Variants in RASAL2 observed in about 807,000 individuals in gnomAD.
RASAL2 encodes RAS protein activator like 2.
A neutral mutation model predicts 128.9 loss-of-function variants in RASAL2; 58 were observed. The ratio of observed to expected loss-of-function variants is 0.45; its 90% CI spans 0.36 to 0.56. The LOEUF is 0.56. Ranked by LOEUF, RASAL2 falls within the 20% of genes least tolerant of loss-of-function variation. The probability of loss-of-function intolerance (pLI) is 0.00; values close to 1 mark genes in which losing one functional copy is unlikely to be tolerated. For synonymous variants in RASAL2, 561 were observed against 580.8 expected (o/e 0.97, Z 0.49); for missense variants, 1,360 against 1,601.6 (o/e 0.85, Z 2.57).
chr1:178,451,419 A>C, intron 9 of RASAL2, 152 bp from the exon 10 acceptor site: 1 of 718,738 alleles, frequency 1.4e-6, no homozygotes, highest in East Asian at 2.7e-5. Flanking sequence ...TTCCAAAGCA[A>C]TGAGGCTTCA....
At chr1:178,341,420 G>A (rs1209491864) in intron 3 of RASAL2, 3 of 1,432,620 alleles carry the variant, frequency 2.1e-6, no homozygotes, top group Non-Finnish European at 2.7e-6. Flanking sequence ...CGAGGATTGA[G>A]TTTAACTGGC....
intron 3 of RASAL2, among the ~76,000 whole-genome samples, chr1:178,361,461 C>T (rs564230639): frequency 6.6e-6 from 1 of 152,140 alleles, no homozygotes; most frequent in African/African-American, 2.4e-5. Flanking sequence ...TGTATACATT[C>T]TCCATAGCTA....
intron 4 of RASAL2, among the ~76,000 whole-genome samples, chr1:178,392,247 G>A (rs1434962711): frequency 3.9e-5 from 6 of 152,194 alleles, no homozygotes; most frequent in African/African-American, 7.2e-5. Context: ...GTAAGTTAAG[G>A]CTTTGACAAG....
intron 4 of RASAL2, among the ~76,000 whole-genome samples, chr1:178,404,934 G>A (rs977365870): frequency 3.3e-5 from 5 of 152,060 alleles, no homozygotes; most frequent in African/African-American, 1.2e-4. Context: ...CTCCTGCCTC[G>A]GCCTCTCGAA....
chr1:178,105,268 G>A (rs1231310795), intron 1 of RASAL2, among the ~76,000 whole-genome samples: 1 of 152,016 alleles, frequency 6.6e-6, no homozygotes, highest in African/African-American at 2.4e-5. Context: ...GGCAGGAATA[G>A]GAATAAGACT....
In RASAL2 at chr1:178,478,801, C is replaced by A. The variant is rs971596772; in HGVS notation, c.*5562C>A. The A allele has an allele frequency of 5.9e-5, 9 of 152,100 alleles. No homozygotes were observed. Among genetic ancestry groups the A allele is most frequent in the African/African-American group, 1.9e-4 (8 of 41,414 alleles). The allele number at this position is 152,100 out of a possible 1,614,324, so 9.4% of individuals were successfully genotyped here. A position where few individuals can be genotyped will look rare whatever the true frequency, so the allele number is the denominator to read the frequency against. ...GTACAGATATAGATACGTTTGAGGTCTTTTATTGATATTCCTACAAAGAAT... is the reference window on the plus strand; with the variant it reads ...GTACAGATATAGATACGTTTGAGGTATTTTATTGATATTCCTACAAAGAAT... On this transcript the variant is annotated 3_prime_UTR_variant, in exon 18 of 18. Coordinates refer to ENST00000367649, the MANE Select transcript of RASAL2 (RefSeq NM_170692.4).
chr1:178,260,350 C>CAAA (rs1243797175), intron 1 of RASAL2, among the ~76,000 whole-genome samples: 4 of 430 alleles, frequency 9.3e-3, no homozygotes, highest in African/African-American at 0.014. Flanking sequence ...AGACTCGTCT[C>CAAA]AAAAAAAAAA....
At position 178,271,912 on chromosome 1, in the gene RASAL2, T is replaced by C. The variant is rs190512709; in HGVS notation, c.203-11652T>C. On this transcript the variant is annotated intron_variant, in intron 1 of 17. Transcript: ENST00000367649. ...CCCCCCACCTTTCAGATTGTTGAAG[T>C]AGGACCACCGTCTTCCTCAAGGGCT... Among the ~76,000 whole-genome samples the C allele has an allele frequency of 9.9e-4, 150 of 152,212 alleles. 5 individuals carry two copies. The highest frequency in any genetic ancestry group is 8.8e-3 in the Admixed American group (135 of 15,292).
chr1:178,214,173 A>G (rs316258), intron 1 of RASAL2, among the ~76,000 whole-genome samples: 145,236 of 152,172 alleles, frequency 0.95, 69,667 homozygotes, highest in East Asian at 1. Context: ...GGGAGGCTGA[A>G]GCAAGTGGAT....
rs747515662 is a variant in RASAL2, at chr1:178,199,088, G to T, written c.203-84476G>T. On this transcript the variant is annotated intron_variant, in intron 1 of 17. Transcript: ENST00000367649. ...TGGGACTAGCAGTGAACAAGGCTTC[G>T]TGGGCGTGGGACCCGCTGAGCCAGG... Among the ~76,000 whole-genome samples, 204 of 152,320 alleles carry T rather than the reference G, an allele frequency of 1.3e-3. 1 individual carries two copies. Among genetic ancestry groups the T allele is most frequent in the Non-Finnish European group, 2.1e-3 (146 of 68,022 alleles).
chr1:178,402,850 C>T (rs1215024343), intron 4 of RASAL2, among the ~76,000 whole-genome samples: 1 of 152,010 alleles, frequency 6.6e-6, no homozygotes, highest in African/African-American at 2.4e-5. Context: ...TTCATCTAGT[C>T]CGTCTCCCCT....
chr1:178,138,504 C>T (rs925461128), intron 1 of RASAL2, among the ~76,000 whole-genome samples: 2 of 152,162 alleles, frequency 1.3e-5, no homozygotes, highest in Non-Finnish European at 2.9e-5. Context: ...CTCTTCATAA[C>T]AGAGAGATTA....
intron 1 of RASAL2, among the ~76,000 whole-genome samples, chr1:178,200,215 A>G (rs1255952781): frequency 6.6e-6 from 1 of 152,186 alleles, no homozygotes; most frequent in Admixed American, 6.5e-5. Context: ...TTAAGGATGG[A>G]GTTCTTTTGT....
intron 17 of RASAL2, chr1:178,470,733 C>T (rs1356675399): frequency 7.3e-7 from 1 of 1,365,372 alleles, no homozygotes. Context: ...GGCAAGTAAA[C>T]CCCGCGTCCG....
At position 178,257,423 on chromosome 1, in the gene RASAL2, ATGTGTG is replaced by A. The variant is rs71108037; in HGVS notation, c.203-26113_203-26108del. On this transcript the variant is annotated intron_variant, in intron 1 of 17. Coordinates refer to ENST00000367649, the MANE Select transcript of RASAL2 (RefSeq NM_170692.4). Reference sequence around the variant, plus strand: ...GACAGTGTGGTGCTGGCTCAGGGATATGTGTGTGTGTGTGTGTGTGTGTGTGTGTGT... The same window carrying A: ...GACAGTGTGGTGCTGGCTCAGGGATATGTGTGTGTGTGTGTGTGTGTGTGT... Among the ~76,000 whole-genome samples the A allele has an allele frequency of 6.8e-3, 1,000 of 147,240 alleles. 9 individuals carry two copies. The highest frequency in any genetic ancestry group is 0.011 in the Non-Finnish European group (753 of 66,526).
chr1:178,300,950 C>A (rs1204674442), intron 3 of RASAL2, among the ~76,000 whole-genome samples: 3 of 152,116 alleles, frequency 2.0e-5, no homozygotes, highest in Non-Finnish European at 2.9e-5. Context: ...TAGATGAAAT[C>A]ATTTATTGTC....
chr1:178,190,117 T>G (rs1662441787), intron 1 of RASAL2, among the ~76,000 whole-genome samples: 1 of 152,176 alleles, frequency 6.6e-6, no homozygotes, highest in Non-Finnish European at 1.5e-5. Context: ...GAAAGAATTA[T>G]CTGGTCTAAA....
intron 1 of RASAL2, among the ~76,000 whole-genome samples, chr1:178,191,905 A>G (rs551814095): frequency 5.9e-5 from 9 of 152,352 alleles, no homozygotes; most frequent in African/African-American, 1.9e-4. Context: ...GATAAAGGAA[A>G]ACTTCATTTT....
chr1:178,119,706 T>C (rs1478512913), intron 1 of RASAL2, among the ~76,000 whole-genome samples: 6 of 152,232 alleles, frequency 3.9e-5, no homozygotes, highest in South Asian at 2.1e-4. Context: ...GATATCCTCC[T>C]GAAAAATATA....
Sources: gnomAD v4.1 joint callset for allele counts (sites outside exome capture counted in the v4.1 genomes callset) on GRCh38, gnomAD v4.1.1 for gene constraint, MANE v1.5 for transcripts, NCBI Gene and HGNC (gene_info 2026-07-23, HGNC 2026-07-21) for gene names.